SLC1A5: variants seen among roughly 807,000 people sequenced by gnomAD.
SLC1A5 encodes the protein solute carrier family 1 member 5.
A neutral mutation model predicts 34.9 loss-of-function variants in SLC1A5; 25 were observed. That is an observed-to-expected ratio of 0.72 (90% confidence interval 0.52 to 1.00). The LOEUF (loss-of-function observed/expected upper bound fraction) is 1.00. Ranked by LOEUF, SLC1A5 falls within the 50% of genes least tolerant of loss-of-function variation. The pLI is 0.00. For missense variants in SLC1A5, 637 were observed against 740.0 expected, an observed-to-expected ratio of 0.86 and a Z score of 1.61; for synonymous variants, 351 against 341.2, an observed-to-expected ratio of 1.03 and a Z score of -0.32.
Position 46,784,156 on chromosome 19 carries a change from G to T in SLC1A5, c.610-12C>A. 3.1e-6 allele frequency: 5 copies of T among 1,608,454 alleles called. No individual in the cohort carries two copies. The highest frequency in any genetic ancestry group is 3.4e-6 in the Non-Finnish European group (4 of 1,175,110). ...TAGGTGGTAGAGTACTGTAGGTGGG[G>T]TTGGGAAGAGTCAGTGTCCATCGTT... On this transcript the variant is annotated splice_polypyrimidine_tract_variant and intron_variant, in intron 2 of 7. Coordinates refer to ENST00000542575, the MANE Select transcript of SLC1A5 (RefSeq NM_005628.3).
Position 46,784,140 on chromosome 19 carries a change from G to T in SLC1A5, c.614C>A (p.Ser205Tyr). ...GATATTCCTCTCTTCATAGGTGGTAGAGTACTGTAGGTGGGGTTGGGAAGA... is the reference window on the plus strand; with the variant it reads ...GATATTCCTCTCTTCATAGGTGGTATAGTACTGTAGGTGGGGTTGGGAAGA... ...NLVSAAFRSY[S>Y]TTYEERNITG... Residue 205 changes from serine (S) to tyrosine (Y), a missense_variant, in exon 3 of 8, where the codon TCT (serine) becomes TAT (tyrosine). Transcript: ENST00000542575. 1 of 1,613,090 alleles carries T rather than the reference G, an allele frequency of 6.2e-7. No individual in the cohort carries two copies. The highest frequency in any genetic ancestry group is 8.5e-7 in the Non-Finnish European group (1 of 1,179,128).
rs55753437 is a variant in SLC1A5, at chr19:46,775,052, AACACACACACACACACACAC to A, written c.*438_*457del. 1.9e-3 allele frequency: 1,840 copies of A among 977,986 alleles called. 2 individuals carry two copies. Among genetic ancestry groups the A allele is most frequent in the Middle Eastern group, 2.1e-3 (4 of 1,918 alleles). 60.6% of individuals were successfully genotyped at this position (977,986 alleles called of 1,614,324 possible). On this transcript the variant is annotated 3_prime_UTR_variant, in exon 8 of 8. Transcript: ENST00000542575. ...GTACCATGGGGACAGGAGGTCACAG[AACACACACACACACACACAC>A]ACACACACACACACACACGTGCACA...
In SLC1A5 at chr19:46,777,413, G is replaced by A. The variant is rs765678479; in HGVS notation, c.1059-8C>T. On this transcript the variant is annotated splice_region_variant and splice_polypyrimidine_tract_variant and intron_variant, in intron 5 of 7. Transcript: ENST00000542575. ...AGCGGCAGCGTGGCGGAACTGCAAG[G>A]GATGGGGGAGCTGAGTTAGGTTAAC... The A allele has an allele frequency of 1.9e-6, 3 of 1,600,748 alleles. No individual in the cohort carries two copies. Among genetic ancestry groups the A allele is most frequent in the Non-Finnish European group, 1.7e-6 (2 of 1,173,078 alleles).
chr19:46,782,692 C>G, intron 3 of SLC1A5, 143 bp from the exon 4 acceptor site: 1 of 911,528 alleles, frequency 1.1e-6, no homozygotes. Flanking sequence ...CAGTCCAGGT[C>G]CAGGGGAAAT....
chr19:46,778,285 TG>T (rs1386537259), intron 5 of SLC1A5, among the ~76,000 whole-genome samples: 1 of 151,928 alleles, frequency 6.6e-6, no homozygotes, highest in Non-Finnish European at 1.5e-5. Context: ...AAAAATTAGC[TG>T]GGTATGGTGG....
Position 46,787,302 on chromosome 19 carries a change from GTC to G in SLC1A5, c.566+96_566+97del, listed in dbSNP as rs1462898717. 3.3e-6 allele frequency: 5 copies of G among 1,510,470 alleles called. No individual in the cohort carries two copies. In the East Asian group the frequency reaches 1.0e-4, roughly 30 times the overall value. The allele number at this position is 1,510,470 out of a possible 1,614,324, so 93.6% of individuals were successfully genotyped here. A position where few individuals can be genotyped will look rare whatever the true frequency, so the allele number is the denominator to read the frequency against. On this transcript the variant is annotated intron_variant, in intron 1 of 7. Transcript: ENST00000542575. The surrounding 1 kb of genome is among the most constrained non-coding windows in gnomAD (Gnocchi z 5.2). ...AGTTTTCCTAAGACTCTAGAGGGAA[GTC>G]TCTGCTCCAGGGGCCCCAAAGCCCC...
Position 46,777,085 on chromosome 19 carries a change from C to G in SLC1A5, c.1278G>C (p.Val426=), listed in dbSNP as rs1159142635. ...CTCCAGCAGGGATGCCCGCTGCCCC[C>G]ACGCTGGACGCTGTGGCCGTGACCC... is the stretch of plus-strand genomic sequence containing the variant. The part of the protein sequence containing the change: ...TILVTATASS[V]GAAGIPAGGV... The change falls in exon 7 of 8, where the codon GTG becomes GTC. Residue 426 remains valine, a synonymous_variant. Coordinates refer to ENST00000542575, the MANE Select transcript of SLC1A5 (RefSeq NM_005628.3). 1 of 1,613,860 alleles carries G rather than the reference C, an allele frequency of 6.2e-7. No homozygotes were observed. Among genetic ancestry groups the G allele is most frequent in the East Asian group, 2.2e-5 (1 of 44,884 alleles).
chr19:46,783,178 C>A (rs1402707805), intron 3 of SLC1A5, among the ~76,000 whole-genome samples: 3 of 152,128 alleles, frequency 2.0e-5, no homozygotes, highest in African/African-American at 7.2e-5. Flanking sequence ...TGAAAAGATC[C>A]TCGGGCGGAG....
intron 4 of SLC1A5, 23 bp downstream of exon 4, chr19:46,782,360 C>A: frequency 2.3e-6 from 3 of 1,332,686 alleles, no homozygotes; most frequent in Non-Finnish European, 3.2e-6. Context: ...CACCCACCCC[C>A]AGCCTCCTCT....
intron 4 of SLC1A5, among the ~76,000 whole-genome samples, chr19:46,779,610 TAAAGAGG>T (rs1251818316): frequency 2.0e-5 from 3 of 151,320 alleles, no homozygotes; most frequent in African/African-American, 7.3e-5. Flanking sequence ...TGATGAAAGA[TAAAGAGG>T]CTGGGCACAG....
chr19:46,780,173 C>CA, intron 4 of SLC1A5, among the ~76,000 whole-genome samples: 1 of 151,270 alleles, frequency 6.6e-6, no homozygotes, highest in African/African-American at 2.4e-5. Context: ...TAAACAACAA[C>CA]AACAAAAAAA....
Position 46,777,325 on chromosome 19 carries a change from G to C in SLC1A5, c.1139C>G (p.Pro380Arg), listed in dbSNP as rs1421763867. 1 of 1,613,790 alleles carries C rather than the reference G, an allele frequency of 6.2e-7. No individual in the cohort carries two copies. The highest frequency in any genetic ancestry group is 1.1e-5 in the South Asian group (1 of 91,076). Residue 380 changes from proline to arginine, a missense_variant, in exon 6 of 8, where the codon CCC becomes CGC. Coordinates refer to ENST00000542575, the MANE Select transcript of SLC1A5 (RefSeq NM_005628.3). ...VAKHISRFIL[P>R]IGATVNMDGA... Reference sequence around the variant, plus strand: ...GTCCATGTTGACGGTGGCGCCGATGGGCAGGATGAAACGGCTGATGTGCTT... The same window carrying C: ...GTCCATGTTGACGGTGGCGCCGATGCGCAGGATGAAACGGCTGATGTGCTT...
At chr19:46,779,019 C>CACACATTGCTGGGGCTT in intron 4 of SLC1A5, 111 bp from the exon 5 acceptor site, 1 of 733,378 alleles carries the variant, frequency 1.4e-6, no homozygotes, top group Non-Finnish European at 2.2e-6. Context: ...TCAGGAGAAG[C>CACACATTGCTGGGGCTT]CCCAGCAATG....
rs765090054 is a variant in SLC1A5, at chr19:46,787,444, A to G, written c.522T>C (p.Asn174=). ...AATCGAGCACCTCCTTGCTGGGGGC[A>G]TTTTCGGCACTGCCCGCGGCTCCCA... ...ASVGAAGSAE[N]APSKEVLDSF... Residue 174 remains asparagine, a synonymous_variant, in exon 1 of 8, where the codon AAT becomes AAC. Transcript: ENST00000542575. The surrounding 1 kb of genome is among the most constrained non-coding windows in gnomAD (Gnocchi z 5.2). 1.9e-6 allele frequency: 3 copies of G among 1,601,798 alleles called. No individual in the cohort carries two copies. Among genetic ancestry groups the G allele is most frequent in the African/African-American group, 2.7e-5 (2 of 74,826 alleles).
intron 4 of SLC1A5, 78 bp from the exon 5 acceptor site, chr19:46,778,986 C>A: frequency 9.9e-7 from 1 of 1,012,818 alleles, no homozygotes; most frequent in Non-Finnish European, 1.5e-6. Flanking sequence ...GCACCCTACC[C>A]ACATCTTCCT....
In SLC1A5 at chr19:46,784,143, T is replaced by A. The variant is rs748007457; in HGVS notation, c.611A>T (p.Tyr204Phe). Residue 204 changes from tyrosine to phenylalanine, a missense_variant and splice_region_variant, in exon 3 of 8, where the codon TAC becomes TTC. Tyr to Phe is a conservative substitution (Grantham distance 22, BLOSUM62 3). Transcript: ENST00000542575. Reference protein sequence around the residue: ...SNLVSAAFRSYSTTYEERNIT... With the variant: ...SNLVSAAFRSFSTTYEERNIT... The stretch of plus-strand genomic sequence containing the variant: ...ATTCCTCTCTTCATAGGTGGTAGAG[T>A]ACTGTAGGTGGGGTTGGGAAGAGTC... The A allele has an allele frequency of 9.9e-6, 16 of 1,612,514 alleles. No homozygotes were observed. The highest frequency in any genetic ancestry group is 1.3e-5 in the Non-Finnish European group (15 of 1,178,938).
chr19:46,787,829 C>T lies in SLC1A5; in HGVS notation c.137G>A (p.Arg46His). Residue 46 changes from arginine (R) to histidine (H), a missense_variant, in exon 1 of 8, where the codon CGC becomes CAC. Transcript: ENST00000542575. This position sits in a 1 kb window ranked among gnomAD's most constrained non-coding sequence, Gnocchi z 5.2. Reference sequence around the variant, plus strand: ...AAGCAGGTTGGCTCGAAGGCAGCGGCGCACCTGGTCCCGGGAACCGCAGTA... The same window carrying T: ...AAGCAGGTTGGCTCGAAGGCAGCGGTGCACCTGGTCCCGGGAACCGCAGTA... Reference protein sequence around the residue: ...GGYCGSRDQVRRCLRANLLVL... With the variant: ...GGYCGSRDQVHRCLRANLLVL... 1 of 1,551,682 alleles carries T rather than the reference C, an allele frequency of 6.4e-7. No individual in the cohort carries two copies. The highest frequency in any genetic ancestry group is 8.7e-7 in the Non-Finnish European group (1 of 1,148,358).
At position 46,778,771 on chromosome 19, in the gene SLC1A5, A is replaced by C. The variant is rs368370112; in HGVS notation, c.962T>G (p.Leu321Arg). ...LGHAIHGLLV[L>R]PLIYFLFTRK... is the part of the protein sequence containing the mutation. The stretch of plus-strand genomic sequence containing the variant: ...GGTGAAGAGGAAGTAGATGAGGGGC[A>C]GTACCAGGAGCCCATGGATGGCGTG... The change falls in exon 5 of 8, where the codon CTG (leucine) becomes CGG (arginine). Residue 321 changes from leucine (L) to arginine (R), a missense_variant. Physicochemically the swap from Leu to Arg is moderately radical, Grantham distance 102. Transcript: ENST00000542575. The C allele has an allele frequency of 3.7e-6, 6 of 1,613,292 alleles. No homozygotes were observed. Among genetic ancestry groups the C allele is most frequent in the Non-Finnish European group, 5.1e-6 (6 of 1,179,636 alleles).
At chr19:46,781,357 G>A (rs759932725) in intron 4 of SLC1A5, among the ~76,000 whole-genome samples, 3 of 152,196 alleles carry the variant, frequency 2.0e-5, no homozygotes, top group African/African-American at 7.2e-5. Context: ...CCAGCACTTC[G>A]GGAGGCCGAG....
Sources: gnomAD v4.1 joint callset for allele counts (sites outside exome capture counted in the v4.1 genomes callset) on GRCh38, gnomAD v4.1.1 for gene constraint, Gnocchi (gnomAD v3.1) non-coding constraint, MANE v1.5 for transcripts, NCBI Gene and HGNC (gene_info 2026-07-23, HGNC 2026-07-21) for gene names.